The following CACNA2D3 variants were observed in gnomAD, a reference collection of about 807,000 sequenced individuals.
CACNA2D3 encodes calcium voltage-gated channel auxiliary subunit alpha2delta 3, also known as voltage-dependent calcium channel subunit alpha-2/delta-3.
In CACNA2D3, 60 loss-of-function variants were observed where a neutral mutation model predicts 160.6. The observed-to-expected ratio is 0.37, with a 90% CI of 0.30 to 0.46. The LOEUF is 0.46. CACNA2D3 is among the 20% of genes least tolerant of loss of function. The pLI, the probability that CACNA2D3 is intolerant of heterozygous loss-of-function variation, is 1.00. For missense variants in CACNA2D3, 1,205 were observed against 1,365.0 expected (o/e 0.88, Z 1.85); for synonymous variants, 558 against 492.9 (o/e 1.13, Z -1.75).
At chr3:54,419,985 C>G (rs1331987499) in intron 4 of CACNA2D3, among the ~76,000 whole-genome samples, 1 of 152,078 alleles carries the variant, frequency 6.6e-6, no homozygotes, top group African/African-American at 2.4e-5. Context: ...AAGCTGGTCT[C>G]AAACTCCTGA....
intron 5 of CACNA2D3, among the ~76,000 whole-genome samples, chr3:54,554,844 A>ATTTCT (rs1702215939): frequency 9.8e-6 from 1 of 101,856 alleles, no homozygotes; most frequent in African/African-American, 3.9e-5. Context: ...GACTTTATTT[A>ATTTCT]TTTCTTTTCT....
intron 35 of CACNA2D3, among the ~76,000 whole-genome samples, chr3:55,067,107 G>GGA: frequency 6.6e-6 from 1 of 151,488 alleles, no homozygotes; most frequent in Admixed American, 6.6e-5. Flanking sequence ...GTAGCGGGGG[G>GGA]GGCTTTTCTC....
At chr3:55,018,146 T>C in intron 34 of CACNA2D3, 60 bp from the exon 35 acceptor site, 1 of 1,051,720 alleles carries the variant, frequency 9.5e-7, no homozygotes, top group South Asian at 1.3e-5. Flanking sequence ...GGGCTGCCAG[T>C]CACAATTTTG....
intron 11 of CACNA2D3, among the ~76,000 whole-genome samples, chr3:54,714,658 C>G (rs769696293): frequency 2.0e-5 from 3 of 152,176 alleles, no homozygotes; most frequent in Non-Finnish European, 4.4e-5. Flanking sequence ...CAATCATAGA[C>G]TATTTCCTCA....
intron 27 of CACNA2D3, chr3:54,927,837 C>A (rs868290469): frequency 8.4e-6 from 13 of 1,538,880 alleles, no homozygotes; most frequent in African/African-American, 2.7e-5. Flanking sequence ...CCCGCAGATA[C>A]CTTTGTGAGG....
intron 2 of CACNA2D3, among the ~76,000 whole-genome samples, chr3:54,140,807 G>A (rs369483065): frequency 1.2e-4 from 19 of 152,108 alleles, no homozygotes; most frequent in East Asian, 9.6e-4. Flanking sequence ...TACTGCCTTC[G>A]GATTTTTGGC....
chr3:54,426,968 T>A (rs1304552504), intron 4 of CACNA2D3, among the ~76,000 whole-genome samples: 1 of 152,148 alleles, frequency 6.6e-6, no homozygotes, highest in Non-Finnish European at 1.5e-5. Context: ...GACCCTTCCT[T>A]GTTTTTCTTT....
chr3:55,014,578 A>C (rs1703286019), intron 34 of CACNA2D3, among the ~76,000 whole-genome samples: 1 of 152,088 alleles, frequency 6.6e-6, no homozygotes, highest in African/African-American at 2.4e-5. Flanking sequence ...AAAAATACAA[A>C]AAAACTAGCC....
At chr3:54,803,127 A>G (rs1703033603) in intron 13 of CACNA2D3, among the ~76,000 whole-genome samples, 1 of 152,212 alleles carries the variant, frequency 6.6e-6, no homozygotes. Context: ...GAGCAGAAAA[A>G]AAGGAAACTC....
At chr3:54,575,646 C>A (rs2106729242) in intron 8 of CACNA2D3, among the ~76,000 whole-genome samples, 1 of 152,240 alleles carries the variant, frequency 6.6e-6, no homozygotes, top group South Asian at 2.1e-4. Flanking sequence ...ACAGTGTGGC[C>A]AGTGCAGTCT....
chr3:54,737,756 C>T, intron 11 of CACNA2D3, among the ~76,000 whole-genome samples: 1 of 152,180 alleles, frequency 6.6e-6, no homozygotes, highest in East Asian at 1.9e-4. Context: ...CCTCCGCCTC[C>T]TGGGTTCAAG....
At chr3:54,704,836 C>T (rs941066480) in intron 11 of CACNA2D3, among the ~76,000 whole-genome samples, 1 of 152,110 alleles carries the variant, frequency 6.6e-6, no homozygotes, top group East Asian at 1.9e-4. Flanking sequence ...CCCCTACCTC[C>T]CTCCTACCCA....
intron 14 of CACNA2D3, among the ~76,000 whole-genome samples, chr3:54,817,418 T>C (rs181819741): frequency 1.1e-4 from 16 of 152,350 alleles, no homozygotes; most frequent in Admixed American, 1.0e-3. Context: ...TGAGATGATC[T>C]AGTTCCACCA....
chr3:54,175,242 G>C (rs1371087911), intron 2 of CACNA2D3, among the ~76,000 whole-genome samples: 3 of 152,142 alleles, frequency 2.0e-5, no homozygotes, highest in African/African-American at 7.2e-5. Context: ...TTCATAGTTA[G>C]CATTAGCAAA....
chr3:54,816,065 T>C (rs1229407357), intron 13 of CACNA2D3, among the ~76,000 whole-genome samples: 1 of 152,224 alleles, frequency 6.6e-6, no homozygotes, highest in Non-Finnish European at 1.5e-5. Flanking sequence ...TCCACATACC[T>C]ATTAATTTCA....
At chr3:54,763,645 GTA>G (rs574071349) in intron 12 of CACNA2D3, among the ~76,000 whole-genome samples, 130 of 128,610 alleles carry the variant, frequency 1.0e-3, no homozygotes, top group Middle Eastern at 4.1e-3. Flanking sequence ...GTGTGTGTGT[GTA>G]TATATATGTG....
chr3:54,400,224 G>T (rs1053902489), intron 4 of CACNA2D3, among the ~76,000 whole-genome samples: 1 of 149,624 alleles, frequency 6.7e-6, no homozygotes, highest in African/African-American at 2.5e-5. Flanking sequence ...AGATGAACCC[G>T]GTACCTCAGA....
At chr3:54,662,215 G>A (rs940819992) in intron 11 of CACNA2D3, among the ~76,000 whole-genome samples, 2 of 152,052 alleles carry the variant, frequency 1.3e-5, no homozygotes, top group African/African-American at 4.8e-5. Context: ...ATTGGCGAGG[G>A]TGCTGGGAGC....
At chr3:54,677,846 T>G (rs942096540) in intron 11 of CACNA2D3, among the ~76,000 whole-genome samples, 2 of 152,186 alleles carry the variant, frequency 1.3e-5, no homozygotes, top group East Asian at 1.9e-4. Context: ...AGAGTAATTT[T>G]AGTCTTAAAA....
Sources: gnomAD v4.1 joint callset for allele counts (sites outside exome capture counted in the v4.1 genomes callset) on GRCh38, gnomAD v4.1.1 for gene constraint, MANE v1.5 for transcripts, NCBI Gene and HGNC (gene_info 2026-07-23, HGNC 2026-07-21) for gene names.